GUCY1A2: variants seen among roughly 807,000 people sequenced by gnomAD.
GUCY1A2 encodes the protein guanylate cyclase soluble subunit alpha-2.
GUCY1A2 carries 27 observed loss-of-function variants against 63.5 expected under a neutral mutation model. The observed-to-expected ratio is 0.43, with a 90% CI of 0.31 to 0.59. The LOEUF is 0.59. GUCY1A2 is among the 20% of genes least tolerant of loss of function. The pLI, the probability that GUCY1A2 is intolerant of heterozygous loss-of-function variation, is 0.11. For synonymous variants in GUCY1A2, 364 were observed against 343.5 expected, an observed-to-expected ratio of 1.06 and a Z score of -0.66; for missense variants, 768 against 913.3, an observed-to-expected ratio of 0.84 and a Z score of 2.05.
intron 4 of GUCY1A2, among the ~76,000 whole-genome samples, chr11:106,906,048 C>T (rs1309999679): frequency 1.3e-5 from 2 of 152,072 alleles, no homozygotes; most frequent in African/African-American, 2.4e-5. Context: ...GACTTCCTGA[C>T]TAAGACACCA....
At chr11:106,711,841 C>A (rs953425032) in intron 6 of GUCY1A2, among the ~76,000 whole-genome samples, 1 of 152,052 alleles carries the variant, frequency 6.6e-6, no homozygotes, top group Non-Finnish European at 1.5e-5. Flanking sequence ...TTTTTTACCC[C>A]CAGTAGTTTA....
At chr11:106,861,143 C>G (rs1433664146) in intron 4 of GUCY1A2, among the ~76,000 whole-genome samples, 2 of 151,862 alleles carry the variant, frequency 1.3e-5, no homozygotes, top group Admixed American at 1.3e-4. Context: ...CTAGATAAAC[C>G]CAGTCTCTAG....
intron 4 of GUCY1A2, among the ~76,000 whole-genome samples, chr11:106,861,479 C>G (rs1859511557): frequency 6.6e-6 from 1 of 151,834 alleles, no homozygotes. Context: ...CAGCCATGTT[C>G]CCATCAACTT....
chr11:106,993,515 C>T (rs1861496988), intron 1 of GUCY1A2, among the ~76,000 whole-genome samples: 1 of 149,548 alleles, frequency 6.7e-6, no homozygotes, highest in African/African-American at 2.4e-5. Context: ...AAACTTACTA[C>T]ATATAAGCCA....
At chr11:106,742,045 G>A (rs552025077) in intron 6 of GUCY1A2, among the ~76,000 whole-genome samples, 1 of 152,190 alleles carries the variant, frequency 6.6e-6, no homozygotes, top group Admixed American at 6.5e-5. Context: ...TACCTACTTA[G>A]TATTACTTAC....
At chr11:106,794,530 G>A (rs545134278) in intron 5 of GUCY1A2, among the ~76,000 whole-genome samples, 2 of 151,654 alleles carry the variant, frequency 1.3e-5, no homozygotes, top group African/African-American at 4.8e-5. Context: ...AAACACAAAG[G>A]TAATTATGTC....
intron 4 of GUCY1A2, among the ~76,000 whole-genome samples, chr11:106,923,735 T>G (rs1274078553): frequency 1.3e-5 from 2 of 152,166 alleles, no homozygotes; most frequent in Non-Finnish European, 2.9e-5. Context: ...TAGACTACAC[T>G]ATAAATTTAT....
At chr11:106,949,312 C>T (rs1860872994) in intron 3 of GUCY1A2, among the ~76,000 whole-genome samples, 1 of 151,926 alleles carries the variant, frequency 6.6e-6, no homozygotes, top group South Asian at 2.1e-4. Flanking sequence ...CTAGCCCATC[C>T]TTCCCTCTCT....
intron 5 of GUCY1A2, among the ~76,000 whole-genome samples, chr11:106,781,128 AAAAAAG>A (rs1290503948): frequency 2.0e-5 from 3 of 148,210 alleles, no homozygotes; most frequent in African/African-American, 5.0e-5. Flanking sequence ...AAAAAAAAAA[AAAAAAG>A]AAAAACTGTC....
At chr11:106,914,056 G>C (rs1262383563) in intron 4 of GUCY1A2, among the ~76,000 whole-genome samples, 9 of 151,430 alleles carry the variant, frequency 5.9e-5, no homozygotes. Flanking sequence ...GGCAGGGAGG[G>C]AAGGAGAAAA....
At chr11:106,847,231 C>CAAAAA (rs57752458) in intron 4 of GUCY1A2, among the ~76,000 whole-genome samples, 1 of 141,448 alleles carries the variant, frequency 7.1e-6, no homozygotes, top group Non-Finnish European at 1.5e-5. Flanking sequence ...TTGCAAAACT[C>CAAAAA]AAAAAAAAAA....
At chr11:106,830,110 C>T (rs1179732643) in intron 4 of GUCY1A2, among the ~76,000 whole-genome samples, 1 of 152,156 alleles carries the variant, frequency 6.6e-6, no homozygotes. Context: ...TACACTTGTA[C>T]TAAGAAAATA....
Position 106,817,257 on chromosome 11 carries a change from G to C in GUCY1A2, c.1207-6779C>G, listed in dbSNP as rs116511051. ...ATATGAATTTTCCTTAAAACATATT[G>C]ATAGATGTCATCTTGCCCCCAAGAT... On this transcript the variant is annotated intron_variant, in intron 4 of 7. Transcript: ENST00000526355. Among the ~76,000 whole-genome samples the C allele has an allele frequency of 2.9e-3, 448 of 152,096 alleles. 1 individual carries two copies. Among genetic ancestry groups the C allele is most frequent in the African/African-American group, 0.01 (425 of 41,524 alleles).
chr11:106,772,152 T>G (rs141466519), intron 6 of GUCY1A2, among the ~76,000 whole-genome samples: 15 of 152,320 alleles, frequency 9.8e-5, no homozygotes, highest in African/African-American at 3.6e-4. Context: ...TACCAATCAT[T>G]TCCAAGCAAT....
intron 5 of GUCY1A2, among the ~76,000 whole-genome samples, chr11:106,806,141 G>T (rs1858681351): frequency 6.6e-6 from 1 of 151,940 alleles, no homozygotes; most frequent in African/African-American, 2.4e-5. Flanking sequence ...TGTATGTCTA[G>T]ATAGATACAC....
At chr11:106,838,981 T>C (rs1308734083) in intron 4 of GUCY1A2, among the ~76,000 whole-genome samples, 1 of 152,100 alleles carries the variant, frequency 6.6e-6, no homozygotes, top group Non-Finnish European at 1.5e-5. Context: ...TTTAGTTTAA[T>C]TAGATCCCAT....
intron 4 of GUCY1A2, among the ~76,000 whole-genome samples, chr11:106,822,291 A>T (rs1487809034): frequency 6.6e-6 from 1 of 152,156 alleles, no homozygotes; most frequent in Non-Finnish European, 1.5e-5. Flanking sequence ...CTAAATATTA[A>T]AATTTTAATT....
chr11:106,993,012 T>G (rs1861490907), intron 1 of GUCY1A2, among the ~76,000 whole-genome samples: 1 of 152,212 alleles, frequency 6.6e-6, no homozygotes, highest in Non-Finnish European at 1.5e-5. Flanking sequence ...ACTACCTTGT[T>G]CTAAGATGAT....
intron 4 of GUCY1A2, among the ~76,000 whole-genome samples, chr11:106,927,253 G>A (rs967659578): frequency 6.6e-6 from 1 of 151,402 alleles, no homozygotes; most frequent in Non-Finnish European, 1.5e-5. Flanking sequence ...GGCGCCTGTA[G>A]TCCCAGCTAC....
Sources: gnomAD v4.1 joint callset for allele counts (sites outside exome capture counted in the v4.1 genomes callset) on GRCh38, gnomAD v4.1.1 for gene constraint, MANE v1.5 for transcripts, NCBI Gene and HGNC (gene_info 2026-07-23, HGNC 2026-07-21) for gene names.